Variants in MYO3B observed in about 807,000 individuals in gnomAD.
MYO3B encodes the protein myosin IIIB, also known as myosin-IIIb.
In MYO3B, 156 loss-of-function variants were observed where a neutral mutation model predicts 174.6. The ratio of observed to expected loss-of-function variants is 0.89; its 90% CI spans 0.78 to 1.02. The LOEUF is 1.02. MYO3B is among the 50% of genes least tolerant of loss of function. The pLI, the probability that MYO3B is intolerant of heterozygous loss-of-function variation, is 0.00. For synonymous variants in MYO3B, 563 were observed against 569.1 expected (o/e 0.99, Z 0.15); for missense variants, 1,632 against 1,639.4 (o/e 1.00, Z 0.08).
chr2:170,292,052 A>C lies in MYO3B; in HGVS notation c.750-43333A>C, dbSNP rs114534718. Among the ~76,000 whole-genome samples the C allele has an allele frequency of 7.7e-3, 1,177 of 152,178 alleles. 13 individuals carry two copies. Among genetic ancestry groups the C allele is most frequent in the African/African-American group, 0.027 (1,136 of 41,530 alleles). On this transcript the variant is annotated intron_variant, in intron 7 of 34. Coordinates refer to ENST00000408978, the MANE Select transcript of MYO3B (RefSeq NM_138995.5). Reference sequence around the variant, plus strand: ...GCTCCTACTCACTTCCCTCTTGTACATCAATAATTCTTAGATTTGGTCTTT... The same window carrying C: ...GCTCCTACTCACTTCCCTCTTGTACCTCAATAATTCTTAGATTTGGTCTTT...
At chr2:170,208,319 A>C (rs2092735413) in intron 3 of MYO3B, among the ~76,000 whole-genome samples, 1 of 152,208 alleles carries the variant, frequency 6.6e-6, no homozygotes, top group Non-Finnish European at 1.5e-5. Context: ...TCCTCCAACA[A>C]GGGAGAGAAA....
chr2:170,649,142 AAT>A (rs1491128840), intron 32 of MYO3B, among the ~76,000 whole-genome samples: 7 of 70,324 alleles, frequency 1.0e-4, no homozygotes, highest in Non-Finnish European at 4.7e-5. Context: ...AATAATATAT[AAT>A]ATATTATATA....
rs144339322 is a variant in MYO3B, at chr2:170,353,286, C to CA, written c.816-15935dup. 5.8e-3 allele frequency among the ~76,000 whole-genome samples: 889 copies of CA among 152,200 alleles called. 8 individuals carry two copies. Among genetic ancestry groups the CA allele is most frequent in the African/African-American group, 0.02 (851 of 41,518 alleles). On this transcript the variant is annotated intron_variant, in intron 8 of 34. Coordinates refer to ENST00000408978, the MANE Select transcript of MYO3B (RefSeq NM_138995.5). ...TGGAGGAATCTTAAATTCATGTTAC[C>CA]ATGTGAAAGAAACCAATCTGAAGAG... is the stretch of plus-strand genomic sequence containing the variant.
intron 32 of MYO3B, among the ~76,000 whole-genome samples, chr2:170,611,913 T>G (rs1321083696): frequency 6.6e-6 from 1 of 152,188 alleles, no homozygotes; most frequent in African/African-American, 2.4e-5. Context: ...GATCAATTTT[T>G]GAATCCCATT....
chr2:170,464,868 AT>A lies in MYO3B; in HGVS notation c.2808+1434del, dbSNP rs368761110. On this transcript the variant is annotated intron_variant, in intron 24 of 34. Coordinates refer to ENST00000408978, the MANE Select transcript of MYO3B (RefSeq NM_138995.5). ...ATGAAGGAATACTTGAGACTGGATA[AT>A]TTTTTTTTTTCTTTTAAGACAGAGT... 1.5e-3 allele frequency among the ~76,000 whole-genome samples: 219 copies of A among 148,204 alleles called. 1 individual carries two copies. The Middle Eastern group carries it at 0.021, about 14-fold the overall frequency.
chr2:170,355,219 C>T (rs2094111143), intron 8 of MYO3B, among the ~76,000 whole-genome samples: 1 of 152,160 alleles, frequency 6.6e-6, no homozygotes. Context: ...CAAAATCCTA[C>T]CTTGCATAAA....
chr2:170,276,946 A>G (rs1328574757), intron 7 of MYO3B, among the ~76,000 whole-genome samples: 1 of 152,226 alleles, frequency 6.6e-6, no homozygotes, highest in South Asian at 2.1e-4. Context: ...TGGATTATAT[A>G]ATAAATGGGC....
At chr2:170,441,480 A>G (rs574163453) in intron 22 of MYO3B, among the ~76,000 whole-genome samples, 141 of 152,376 alleles carry the variant, frequency 9.3e-4, no homozygotes, top group Non-Finnish European at 1.7e-3. Flanking sequence ...GGATGAGTTC[A>G]TAGAGTAAAG....
intron 23 of MYO3B, among the ~76,000 whole-genome samples, chr2:170,448,755 A>C (rs1285362319): frequency 1.3e-5 from 2 of 151,952 alleles, no homozygotes; most frequent in African/African-American, 4.8e-5. Flanking sequence ...GAAAATAATA[A>C]AAACTCAAGA....
chr2:170,308,532 C>CT (rs2093716164), intron 7 of MYO3B, among the ~76,000 whole-genome samples: 1 of 152,142 alleles, frequency 6.6e-6, no homozygotes, highest in African/African-American at 2.4e-5. Flanking sequence ...TTGCTGCCTC[C>CT]TTTTTGATCT....
intron 7 of MYO3B, among the ~76,000 whole-genome samples, chr2:170,240,881 T>G (rs1354854423): frequency 2.0e-5 from 3 of 152,188 alleles, no homozygotes; most frequent in African/African-American, 7.2e-5. Flanking sequence ...AAACTCCCCT[T>G]AAAGGAACTG....
At chr2:170,212,605 G>A (rs1304441284) in intron 3 of MYO3B, among the ~76,000 whole-genome samples, 1 of 149,854 alleles carries the variant, frequency 6.7e-6, no homozygotes, top group Non-Finnish European at 1.5e-5. Flanking sequence ...ACACATAAAA[G>A]GGTGAGGAGC....
chr2:170,430,621 C>T (rs1445446616), intron 22 of MYO3B, among the ~76,000 whole-genome samples: 7 of 152,110 alleles, frequency 4.6e-5, no homozygotes, highest in Admixed American at 3.9e-4. Context: ...CTGCCTGCCT[C>T]GGCCTCCCAA....
intron 7 of MYO3B, among the ~76,000 whole-genome samples, chr2:170,266,438 A>G (rs557066593): frequency 6.6e-6 from 1 of 152,336 alleles, no homozygotes; most frequent in Non-Finnish European, 1.5e-5. Context: ...ACATTTTTGT[A>G]GGATATCTAC....
intron 32 of MYO3B, among the ~76,000 whole-genome samples, chr2:170,632,810 T>A (rs13427368): frequency 4.6e-5 from 7 of 151,716 alleles, no homozygotes; most frequent in African/African-American, 1.2e-4. Flanking sequence ...ATATCACCAC[T>A]GATCCCACAG....
rs1699122073 is a variant in MYO3B, at chr2:170,653,240, C to G, written c.*119C>G. The G allele has an allele frequency of 2.7e-6, 3 of 1,097,630 alleles. No homozygotes were observed. The highest frequency in any genetic ancestry group is 4.0e-6 in the Non-Finnish European group (3 of 748,904). The allele number at this position is 1,097,630 out of a possible 1,614,324, so 68.0% of individuals were successfully genotyped here. Reference sequence around the variant, plus strand: ...GCTTCTTTGGACATATGGTCCATGCCTGAACCTTACTGAACCACTTGCAGA... The same window carrying G: ...GCTTCTTTGGACATATGGTCCATGCGTGAACCTTACTGAACCACTTGCAGA... On this transcript the variant is annotated 3_prime_UTR_variant, in exon 35 of 35. Coordinates refer to ENST00000408978, the MANE Select transcript of MYO3B (RefSeq NM_138995.5).
At chr2:170,208,075 A>C (rs2092732932) in intron 3 of MYO3B, among the ~76,000 whole-genome samples, 1 of 152,140 alleles carries the variant, frequency 6.6e-6, no homozygotes, top group South Asian at 2.1e-4. Flanking sequence ...ACCTTTATCC[A>C]TGAAATGGGA....
At chr2:170,481,206 G>A (rs1685666992) in intron 25 of MYO3B, among the ~76,000 whole-genome samples, 1 of 152,202 alleles carries the variant, frequency 6.6e-6, no homozygotes, top group Non-Finnish European at 1.5e-5. Flanking sequence ...CTTTTCACCT[G>A]TAGCTACATA....
At chr2:170,448,335 T>C (rs1400531574) in intron 23 of MYO3B, among the ~76,000 whole-genome samples, 3 of 152,218 alleles carry the variant, frequency 2.0e-5, no homozygotes, top group Admixed American at 6.5e-5. Flanking sequence ...ATTTTCTCAG[T>C]TACAATTTTT....
Sources: allele counts gnomAD v4.1 joint callset (sites outside exome capture counted in the v4.1 genomes callset), GRCh38; gene constraint gnomAD v4.1.1; transcripts MANE v1.5; gene names NCBI Gene and HGNC (gene_info 2026-07-23, HGNC 2026-07-21).